Variants in RAB3B observed in about 807,000 individuals in gnomAD.
RAB3B encodes the protein RAB3B, member RAS oncogene family.
RAB3B carries 11 observed loss-of-function variants against 20.5 expected under a neutral mutation model. The observed-to-expected ratio is 0.54, with a 90% CI of 0.34 to 0.89. The LOEUF is 0.89. Ranked by LOEUF, RAB3B falls within the 40% of genes least tolerant of loss-of-function variation. The pLI is 0.02. For missense variants in RAB3B, 225 were observed against 280.9 expected, an observed-to-expected ratio of 0.80 and a Z score of 1.42; for synonymous variants, 99 against 106.3, an observed-to-expected ratio of 0.93 and a Z score of 0.42.
intron 2 of RAB3B, among the ~76,000 whole-genome samples, chr1:51,951,681 C>T (rs930894585): frequency 1.4e-4 from 21 of 152,050 alleles, no homozygotes; most frequent in Admixed American, 1.4e-3. Flanking sequence ...GCATGGTGGC[C>T]TACACCTGTG....
At chr1:51,984,857 A>G (rs1557979531) in intron 1 of RAB3B, among the ~76,000 whole-genome samples, 1 of 152,246 alleles carries the variant, frequency 6.6e-6, no homozygotes, top group Non-Finnish European at 1.5e-5. Context: ...AACCTGGGAA[A>G]TAAAGCTGGA....
chr1:51,981,441 G>C (rs1685086446), intron 1 of RAB3B, among the ~76,000 whole-genome samples: 1 of 152,134 alleles, frequency 6.6e-6, no homozygotes, highest in East Asian at 1.9e-4. Flanking sequence ...CCCCTCCCCA[G>C]AGGCATACAT....
chr1:51,912,925 C>T lies in RAB3B; in HGVS notation c.*7002G>A, dbSNP rs1684026758. ...CAATTTGGACATGTTAAGTTTGAGA[C>T]ATGAAAATGTCCAGTAGGCACTTAG... On this transcript the variant is annotated 3_prime_UTR_variant, in exon 5 of 5. Coordinates refer to ENST00000371655, the MANE Select transcript of RAB3B (RefSeq NM_002867.4). 6.6e-6 allele frequency: 1 copy of T among 152,028 alleles called. No homozygotes were observed. Among genetic ancestry groups the T allele is most frequent in the South Asian group, 2.1e-4 (1 of 4,806 alleles). The allele number at this position is 152,028 out of a possible 1,614,324, so 9.4% of individuals were successfully genotyped here. A position where few individuals can be genotyped will look rare whatever the true frequency, so the allele number is the denominator to read the frequency against.
rs557031082 is a variant in RAB3B at position 51,944,765 on chromosome 1, G to A, written c.229-7353C>T. Among the ~76,000 whole-genome samples, 12 of 152,300 alleles carry A rather than the reference G, an allele frequency of 7.9e-5. No individual in the cohort carries two copies. In the South Asian group the frequency reaches 1.2e-3, roughly 16 times the overall value. ...GGATGCAGTTGCTTCTTACAGATGAGCGAAGAAAATGGTTTCTTGAGATGG... is the reference window on the plus strand; with the variant it reads ...GGATGCAGTTGCTTCTTACAGATGAACGAAGAAAATGGTTTCTTGAGATGG... On this transcript the variant is annotated intron_variant, in intron 2 of 4. Coordinates refer to ENST00000371655, the MANE Select transcript of RAB3B (RefSeq NM_002867.4).
intron 2 of RAB3B, among the ~76,000 whole-genome samples, chr1:51,939,398 C>T (rs1436512782): frequency 6.6e-6 from 1 of 151,200 alleles, no homozygotes; most frequent in Admixed American, 6.6e-5. Context: ...AAGCTGGTGA[C>T]AAAAAGGTAG....
rs916823425 is a variant in RAB3B at position 51,916,483 on chromosome 1, T to C, written c.*3444A>G. ...GTGAGTGTTAATGACCAGAAAAAAATAGTAATTATCCATGACACTGTATAC... is the reference window on the plus strand; with the variant it reads ...GTGAGTGTTAATGACCAGAAAAAAACAGTAATTATCCATGACACTGTATAC... On this transcript the variant is annotated 3_prime_UTR_variant, in exon 5 of 5. Coordinates refer to ENST00000371655, the MANE Select transcript of RAB3B (RefSeq NM_002867.4). The C allele has an allele frequency of 6.6e-6, 1 of 152,094 alleles. No homozygotes were observed. Among genetic ancestry groups the C allele is most frequent in the Admixed American group, 6.6e-5 (1 of 15,264 alleles). The allele number at this position is 152,094 out of a possible 1,614,324, so 9.4% of individuals were successfully genotyped here.
At chr1:51,921,186 G>T (rs983031987) in intron 4 of RAB3B, among the ~76,000 whole-genome samples, 1 of 152,022 alleles carries the variant, frequency 6.6e-6, no homozygotes, top group African/African-American at 2.4e-5. Context: ...CACTTCTGTT[G>T]TCTGTCTGCT....
At chr1:51,969,340 G>A (rs1221741221) in intron 2 of RAB3B, among the ~76,000 whole-genome samples, 1 of 152,192 alleles carries the variant, frequency 6.6e-6, no homozygotes, top group African/African-American at 2.4e-5. Flanking sequence ...TTGGAGGAGG[G>A]ACCCTCCTTT....
At chr1:51,978,141 A>G (rs972876882) in intron 1 of RAB3B, among the ~76,000 whole-genome samples, 2 of 152,190 alleles carry the variant, frequency 1.3e-5, no homozygotes, top group African/African-American at 4.8e-5. Context: ...CAGCCCTTGT[A>G]TCACTTCAGC....
At chr1:51,963,973 G>T (rs1047554990) in intron 2 of RAB3B, among the ~76,000 whole-genome samples, 1 of 151,840 alleles carries the variant, frequency 6.6e-6, no homozygotes, top group African/African-American at 2.4e-5. Flanking sequence ...ACCACCATAC[G>T]AACGTGCTGC....
intron 2 of RAB3B, among the ~76,000 whole-genome samples, chr1:51,952,343 A>T (rs1684652166): frequency 6.6e-6 from 1 of 152,156 alleles, no homozygotes; most frequent in South Asian, 2.1e-4. Context: ...CTAAACTCAA[A>T]AACACTCATG....
intron 1 of RAB3B, among the ~76,000 whole-genome samples, chr1:51,984,263 T>TAAAAAAAAAAAAAAAAAAAAAAAA (rs1166997647): frequency 4.8e-5 from 1 of 20,676 alleles, no homozygotes; most frequent in African/African-American, 1.8e-4. Flanking sequence ...ACTCTCTAAT[T>TAAAAAAAAAAAAAAAAAAAAAAAA]AAAAAAAAAA....
At chr1:51,920,205 T>C (rs1684153915) in intron 4 of RAB3B, 91 bp from the exon 5 acceptor site, 1 of 1,148,238 alleles carries the variant, frequency 8.7e-7, no homozygotes, top group African/African-American at 1.5e-5. Flanking sequence ...TGGATTAATA[T>C]GTCCAGTGCT....
rs1684002494 is a variant in RAB3B, at chr1:51,911,846, C to T, written c.*8081G>A. 6.6e-6 allele frequency: 1 copy of T among 152,144 alleles called. No homozygotes were observed. Among genetic ancestry groups the T allele is most frequent in the African/African-American group, 2.4e-5 (1 of 41,446 alleles). The allele number at this position is 152,144 out of a possible 1,614,324, so 9.4% of individuals were successfully genotyped here. A position where few individuals can be genotyped will look rare whatever the true frequency, so the allele number is the denominator to read the frequency against. On this transcript the variant is annotated 3_prime_UTR_variant, in exon 5 of 5. Coordinates refer to ENST00000371655, the MANE Select transcript of RAB3B (RefSeq NM_002867.4). ...AGGATTCTGATGGGCCCTGCTTGAT[C>T]ACATGCTCCGTTTATTGACAGTCTT...
At chr1:51,953,374 A>G (rs1190727524) in intron 2 of RAB3B, among the ~76,000 whole-genome samples, 1 of 152,220 alleles carries the variant, frequency 6.6e-6, no homozygotes, top group Non-Finnish European at 1.5e-5. Flanking sequence ...CAGGAGGAAA[A>G]AAAGAAGCAT....
At chr1:51,965,637 G>C (rs1431221788) in intron 2 of RAB3B, among the ~76,000 whole-genome samples, 1 of 147,406 alleles carries the variant, frequency 6.8e-6, no homozygotes, top group Non-Finnish European at 1.5e-5. Flanking sequence ...ACAGAGCAAG[G>C]CTCCATCTCA....
intron 2 of RAB3B, among the ~76,000 whole-genome samples, chr1:51,941,672 C>G (rs1002587836): frequency 2.6e-5 from 4 of 152,202 alleles, no homozygotes; most frequent in Admixed American, 6.5e-5. Context: ...TAACCTTACT[C>G]CATAAAACAA....
At chr1:51,986,311 C>T (rs1269653971) in intron 1 of RAB3B, among the ~76,000 whole-genome samples, 6 of 152,058 alleles carry the variant, frequency 3.9e-5, no homozygotes, top group Admixed American at 1.3e-4. Context: ...CCACCATACC[C>T]GGCTAATTTT....
intron 2 of RAB3B, among the ~76,000 whole-genome samples, chr1:51,958,831 G>A (rs1684747222): frequency 1.3e-5 from 2 of 152,206 alleles, no homozygotes; most frequent in Non-Finnish European, 2.9e-5. Context: ...TAGGGGTGGG[G>A]GTGGCACAAA....
Sources: allele counts gnomAD v4.1 joint callset (sites outside exome capture counted in the v4.1 genomes callset), GRCh38; gene constraint gnomAD v4.1.1; transcripts MANE v1.5; gene names NCBI Gene and HGNC (gene_info 2026-07-23, HGNC 2026-07-21).